The following HDAC9 variants were observed in gnomAD, a reference collection of about 807,000 sequenced individuals.
The protein encoded by HDAC9 is MEF-2 interacting transcription repressor (MITR) protein.
A neutral mutation model predicts 139.4 loss-of-function variants in HDAC9; 41 were observed. That is an observed-to-expected ratio of 0.29 (90% confidence interval 0.23 to 0.38). The LOEUF (loss-of-function observed/expected upper bound fraction) is 0.38. HDAC9 is among the 10% of genes least tolerant of loss of function. The probability of loss-of-function intolerance (pLI) is 1.00; values close to 1 mark genes in which losing one functional copy is unlikely to be tolerated. For missense variants in HDAC9, 1,147 were observed against 1,297.0 expected (o/e 0.88, Z 1.78); for synonymous variants, 517 against 476.2 (o/e 1.09, Z -1.12).
At chr7:18,596,355 T>C (rs1232752178) in intron 6 of HDAC9, among the ~76,000 whole-genome samples, 5 of 152,132 alleles carry the variant, frequency 3.3e-5, no homozygotes, top group African/African-American at 1.2e-4. Context: ...TACTTAGAGA[T>C]GCCCTTCATT....
chr7:18,400,395 T>C (rs1787430451), intron 1 of HDAC9, among the ~76,000 whole-genome samples: 1 of 152,172 alleles, frequency 6.6e-6, no homozygotes, highest in African/African-American at 2.4e-5. Context: ...CATGTTTTAC[T>C]ACAATACTGA....
chr7:18,569,068 A>T (rs997324617), intron 2 of HDAC9, among the ~76,000 whole-genome samples: 12 of 151,246 alleles, frequency 7.9e-5, no homozygotes, highest in South Asian at 2.1e-4. Context: ...ATAAATAAAT[A>T]AAATAAAATA....
chr7:18,245,389 A>G (rs302146), intron 2 of HDAC9, among the ~76,000 whole-genome samples: 118,577 of 152,102 alleles, frequency 0.78, 46,378 homozygotes, highest in South Asian at 0.87. Flanking sequence ...CAAGGGATGG[A>G]GCCACTTCTA....
chr7:18,613,003 TAAG>T (rs573558320), intron 6 of HDAC9, among the ~76,000 whole-genome samples: 96 of 150,598 alleles, frequency 6.4e-4, no homozygotes, highest in African/African-American at 2.3e-3. Flanking sequence ...GTTTATAGTC[TAAG>T]AAGTTGTACA....
intron 2 of HDAC9, among the ~76,000 whole-genome samples, chr7:18,280,423 A>C (rs1300344088): frequency 6.6e-6 from 1 of 152,054 alleles, no homozygotes; most frequent in Non-Finnish European, 1.5e-5. Context: ...CCCCATCTCT[A>C]CTAAAAATAC....
intron 16 of HDAC9, 160 bp from the exon 17 acceptor site, chr7:18,793,185 T>C (rs1220570685): frequency 3.3e-6 from 2 of 613,466 alleles, no homozygotes; most frequent in African/African-American, 1.8e-5. Flanking sequence ...AGACTAATGT[T>C]ATTGTACATA....
Position 18,234,169 on chromosome 7 carries a change from G to C in HDAC9, c.25+71820G>C, listed in dbSNP as rs34271796. Among the ~76,000 whole-genome samples the C allele has an allele frequency of 4.0e-3, 606 of 152,312 alleles. 4 individuals carry two copies. The highest frequency in any genetic ancestry group is 6.7e-3 in the Non-Finnish European group (459 of 68,022). On this transcript the variant is annotated intron_variant, in intron 2 of 12. Transcript: ENST00000417496. ...GTTATATGAGGGAGGCAGTGTACCA[G>C]GTATTACAGAGTGCTGGTAATTAAG... is the stretch of plus-strand genomic sequence containing the variant.
intron 16 of HDAC9, among the ~76,000 whole-genome samples, chr7:18,780,419 T>C (rs1344219631): frequency 1.3e-5 from 2 of 152,018 alleles, no homozygotes; most frequent in East Asian, 3.9e-4. Flanking sequence ...CTTGGGAAAA[T>C]AGTGAGTGGG....
At chr7:18,299,998 A>G (rs901388957) in intron 1 of HDAC9, among the ~76,000 whole-genome samples, 2 of 152,188 alleles carry the variant, frequency 1.3e-5, no homozygotes, top group African/African-American at 4.8e-5. Context: ...CCTAAGAGAC[A>G]TTAAGTGACT....
chr7:18,840,389 G>C (rs912154702), intron 21 of HDAC9, among the ~76,000 whole-genome samples: 6 of 151,988 alleles, frequency 3.9e-5, no homozygotes, highest in South Asian at 2.1e-4. Context: ...TCATCTCAGG[G>C]GAAAACTCTG....
chr7:18,826,690 A>G (rs1457482685), intron 17 of HDAC9, among the ~76,000 whole-genome samples: 3 of 150,338 alleles, frequency 2.0e-5, no homozygotes, highest in Non-Finnish European at 2.9e-5. Context: ...TAATAATCCA[A>G]CTAATTACCT....
intron 8 of HDAC9, among the ~76,000 whole-genome samples, chr7:18,638,704 T>A (rs1286689214): frequency 6.6e-6 from 1 of 152,102 alleles, no homozygotes; most frequent in African/African-American, 2.4e-5. Flanking sequence ...CATTAGCATG[T>A]TTGTCTTCAA....
intron 22 of HDAC9, among the ~76,000 whole-genome samples, chr7:18,884,747 T>G (rs1367333477): frequency 6.6e-6 from 1 of 152,190 alleles, no homozygotes; most frequent in Non-Finnish European, 1.5e-5. Context: ...TTCTTTAGTA[T>G]GTAGCACTTG....
intron 24 of HDAC9, among the ~76,000 whole-genome samples, chr7:18,964,077 A>G (rs576229811): frequency 6.6e-5 from 10 of 152,270 alleles, no homozygotes; most frequent in African/African-American, 1.7e-4. Flanking sequence ...GATTTCCCCA[A>G]TGCAGGTCTT....
chr7:18,543,236 C>T (rs2128625808), intron 2 of HDAC9: 1 of 152,240 alleles, frequency 6.6e-6, no homozygotes, highest in East Asian at 1.9e-4. Context: ...GAGGGACATA[C>T]ATCTTTACAT....
chr7:18,261,289 C>A, intron 2 of HDAC9, among the ~76,000 whole-genome samples: 1 of 151,972 alleles, frequency 6.6e-6, no homozygotes, highest in East Asian at 1.9e-4. Flanking sequence ...GCCTGTGTGG[C>A]AGAGCAAGAC....
intron 12 of HDAC9, among the ~76,000 whole-genome samples, chr7:18,726,822 CCTAT>C (rs1209784697): frequency 6.6e-6 from 1 of 151,734 alleles, no homozygotes; most frequent in Non-Finnish European, 1.5e-5. Flanking sequence ...AAATAAGCTG[CCTAT>C]CTGTGTTTGA....
chr7:18,484,306 A>G (rs1203758823), intron 1 of HDAC9, among the ~76,000 whole-genome samples: 1 of 151,732 alleles, frequency 6.6e-6, no homozygotes, highest in Non-Finnish European at 1.5e-5. Flanking sequence ...ACTGCACTAC[A>G]CCTGGGTGAC....
intron 1 of HDAC9, among the ~76,000 whole-genome samples, chr7:18,118,950 C>G (rs1164799766): frequency 6.6e-6 from 1 of 152,042 alleles, no homozygotes; most frequent in African/African-American, 2.4e-5. Context: ...GCATGAGTAC[C>G]CCATTTTTGT....
Sources: allele counts gnomAD v4.1 joint callset (sites outside exome capture counted in the v4.1 genomes callset), GRCh38; gene constraint gnomAD v4.1.1; transcripts MANE v1.5; gene names NCBI Gene and HGNC (gene_info 2026-07-23, HGNC 2026-07-21).